Variants in SLC35F4 observed in about 807,000 individuals in gnomAD.
SLC35F4 encodes solute carrier family 35 member F4, also known as chromosome 14 open reading frame 36.
SLC35F4 carries 24 observed loss-of-function variants against 44.2 expected under a neutral mutation model. The ratio of observed to expected loss-of-function variants is 0.54; its 90% CI spans 0.39 to 0.76. The LOEUF is 0.76. SLC35F4 is among the 30% of genes least tolerant of loss of function. The probability of loss-of-function intolerance (pLI) is 0.00; values close to 1 mark genes in which losing one functional copy is unlikely to be tolerated. For synonymous variants in SLC35F4, 238 were observed against 223.6 expected, an observed-to-expected ratio of 1.06 and a Z score of -0.57; for missense variants, 562 against 586.1, an observed-to-expected ratio of 0.96 and a Z score of 0.42.
At chr14:57,878,080 C>T (rs1391411928) in intron 1 of SLC35F4, among the ~76,000 whole-genome samples, 1 of 152,042 alleles carries the variant, frequency 6.6e-6, no homozygotes, top group African/African-American at 2.4e-5. Context: ...TGATATTGAG[C>T]ATTTTTTCAT....
chr14:57,914,179 C>G (rs1263357149), intron 1 of SLC35F4, among the ~76,000 whole-genome samples: 1 of 152,216 alleles, frequency 6.6e-6, no homozygotes, highest in African/African-American at 2.4e-5. Context: ...GCACCATCAT[C>G]TGTCACAGGT....
At chr14:57,729,745 C>A (rs1014087617) in intron 1 of SLC35F4, among the ~76,000 whole-genome samples, 1 of 152,206 alleles carries the variant, frequency 6.6e-6, no homozygotes, top group South Asian at 2.1e-4. Flanking sequence ...TGCTAGTTCA[C>A]TGACTCTAAG....
At chr14:57,883,288 G>A (rs763679851) in intron 1 of SLC35F4, among the ~76,000 whole-genome samples, 5 of 152,154 alleles carry the variant, frequency 3.3e-5, no homozygotes, top group Non-Finnish European at 7.3e-5. Context: ...GATTCAAGAT[G>A]GAAGTTAGAC....
chr14:57,976,711 C>T (rs952849563), downstream of SLC35F4: 12 of 152,320 alleles, frequency 7.9e-5, no homozygotes, highest in Admixed American at 7.2e-4. Context: ...TTCACTAGAA[C>T]AAATCAACTC....
chr14:57,744,533 C>T (rs1028605231), intron 1 of SLC35F4, among the ~76,000 whole-genome samples: 1 of 151,956 alleles, frequency 6.6e-6, no homozygotes, highest in Non-Finnish European at 1.5e-5. Flanking sequence ...CATGAGGGAC[C>T]TCTTCAAGGA....
intron 1 of SLC35F4, among the ~76,000 whole-genome samples, chr14:57,745,943 C>T (rs1270303315): frequency 1.3e-5 from 2 of 151,916 alleles, no homozygotes; most frequent in Non-Finnish European, 2.9e-5. Context: ...GGGACATGGA[C>T]GAAGCTGGAA....
intron 1 of SLC35F4, among the ~76,000 whole-genome samples, chr14:57,964,974 G>GAAAAAAAA (rs72495990): frequency 8.4e-6 from 1 of 119,018 alleles, no homozygotes; most frequent in African/African-American, 3.3e-5. Context: ...TCCCATGGGG[G>GAAAAAAAA]AAAAAAAAAA....
Position 57,858,424 on chromosome 14 carries a change from G to A in SLC35F4, c.103+7299C>T, listed in dbSNP as rs182712791. Among the ~76,000 whole-genome samples the A allele has an allele frequency of 1.8e-4, 27 of 151,912 alleles. No homozygotes were observed. In the South Asian group the frequency reaches 2.7e-3, roughly 15 times the overall value. Reference sequence around the variant, plus strand: ...AAAGCATCATTCTCAGCAAACTATCGCAAGGACAAAAAACCAAACACTACA... The same window carrying A: ...AAAGCATCATTCTCAGCAAACTATCACAAGGACAAAAAACCAAACACTACA... On this transcript the variant is annotated intron_variant, in intron 1 of 7. Transcript: ENST00000556826.
chr14:57,772,303 G>C (rs2077383628), intron 1 of SLC35F4, among the ~76,000 whole-genome samples: 1 of 152,174 alleles, frequency 6.6e-6, no homozygotes, highest in Non-Finnish European at 1.5e-5. Context: ...AGTGAAACCA[G>C]ACAATTAACT....
chr14:57,855,740 G>A (rs1004332228), intron 1 of SLC35F4, among the ~76,000 whole-genome samples: 1 of 152,136 alleles, frequency 6.6e-6, no homozygotes. Flanking sequence ...TTACACACAC[G>A]TGTATTTATT....
chr14:57,647,850 G>C (rs148292480), intron 1 of SLC35F4, among the ~76,000 whole-genome samples: 33 of 152,040 alleles, frequency 2.2e-4, no homozygotes, highest in Middle Eastern at 6.8e-3. Context: ...TGATCACCCC[G>C]GCCTGTCCTC....
intron 1 of SLC35F4, among the ~76,000 whole-genome samples, chr14:57,673,340 A>G (rs1191890094): frequency 6.6e-6 from 1 of 152,162 alleles, no homozygotes; most frequent in African/African-American, 2.4e-5. Context: ...TCTGGAAAGC[A>G]GTAAGTTGCA....
At chr14:57,877,763 C>T (rs1184288429) in intron 1 of SLC35F4, among the ~76,000 whole-genome samples, 1 of 137,434 alleles carries the variant, frequency 7.3e-6, no homozygotes, top group Admixed American at 8.0e-5. Flanking sequence ...CAGCTCACTG[C>T]AACCTCTGCC....
chr14:57,676,172 A>G (rs1252524979), intron 1 of SLC35F4, among the ~76,000 whole-genome samples: 4 of 152,086 alleles, frequency 2.6e-5, no homozygotes, highest in Admixed American at 6.6e-5. Context: ...TGTCTTTGCT[A>G]TTGTGAATAG....
At chr14:57,692,515 C>G (rs560557764) in intron 1 of SLC35F4, among the ~76,000 whole-genome samples, 1 of 152,186 alleles carries the variant, frequency 6.6e-6, no homozygotes, top group Admixed American at 6.6e-5. Context: ...CTTAATCTGA[C>G]GAAGTTCCCT....
chr14:57,667,415 T>C (rs1442969647), intron 1 of SLC35F4, among the ~76,000 whole-genome samples: 1 of 151,606 alleles, frequency 6.6e-6, no homozygotes, highest in Non-Finnish European at 1.5e-5. Flanking sequence ...ACATGTGCCA[T>C]GTTGGTGTGC....
Position 57,834,384 on chromosome 14 carries a change from T to TA in SLC35F4, c.103+31338dup, listed in dbSNP as rs1403821845. 2.0e-5 allele frequency among the ~76,000 whole-genome samples: 3 copies of TA among 152,372 alleles called. No individual in the cohort carries two copies. In the East Asian group the frequency reaches 5.8e-4, roughly 29 times the overall value. On this transcript the variant is annotated intron_variant, in intron 1 of 7. Coordinates refer to ENST00000556826, the MANE Select transcript of SLC35F4 (RefSeq NM_001306087.2). ...TTGTACAAGCCCTAACAGTAAGCTA[T>TA]AAAAATGTCATAAATTATTACAGTG...
intron 2 of SLC35F4, 65 bp downstream of exon 2, chr14:57,593,874 C>A (rs1010922161): frequency 4.5e-6 from 7 of 1,541,282 alleles, no homozygotes; most frequent in Non-Finnish European, 5.3e-6. Context: ...GTGACAATGG[C>A]GAGATCTTTC....
chr14:57,814,022 C>T (rs1046899757), intron 1 of SLC35F4, among the ~76,000 whole-genome samples: 2 of 152,120 alleles, frequency 1.3e-5, no homozygotes, highest in African/African-American at 2.4e-5. Context: ...TGCAGTTACC[C>T]GTAATCAGTC....
Sources: allele counts gnomAD v4.1 joint callset (sites outside exome capture counted in the v4.1 genomes callset), GRCh38; gene constraint gnomAD v4.1.1; transcripts MANE v1.5; gene names NCBI Gene and HGNC (gene_info 2026-07-23, HGNC 2026-07-21).